The following SHC4 variants were observed in gnomAD, a reference collection of about 807,000 sequenced individuals.
The protein encoded by SHC4 is SHC-transforming protein 4.
A neutral mutation model predicts 69.4 loss-of-function variants in SHC4; 41 were observed. That is an observed-to-expected ratio of 0.59 (90% CI 0.46 to 0.77). The LOEUF is 0.77. SHC4 is among the 30% of genes least tolerant of loss of function. The pLI is 0.00. For synonymous variants in SHC4, 318 were observed against 299.3 expected, an observed-to-expected ratio of 1.06 and a Z score of -0.64; for missense variants, 777 against 783.8, an observed-to-expected ratio of 0.99 and a Z score of 0.10.
chr15:48,890,848 T>C (rs1900123718), intron 2 of SHC4, 37 bp from the exon 3 acceptor site: 9 of 1,602,586 alleles, frequency 5.6e-6, no homozygotes, highest in Non-Finnish European at 7.7e-6. Context: ...AGACTTAGCA[T>C]ACTACCTCCA....
At chr15:48,883,766 T>A (rs1899984837) in intron 4 of SHC4, among the ~76,000 whole-genome samples, 1 of 152,306 alleles carries the variant, frequency 6.6e-6, no homozygotes, top group East Asian at 1.9e-4. Context: ...ACAATAACAT[T>A]TTAGAAAGCT....
Position 48,898,175 on chromosome 15 carries a change from A to G in SHC4, c.657-7364T>C, listed in dbSNP as rs114633203. 3.2e-3 allele frequency among the ~76,000 whole-genome samples: 481 copies of G among 152,246 alleles called. 1 individual carries two copies. Among genetic ancestry groups the G allele is most frequent in the African/African-American group, 0.011 (455 of 41,544 alleles). Reference sequence around the variant, plus strand: ...CAAGGCTCAGTGATCTATGTGTTCAATTTTGTCCAGCTTAGTGAAATTAAA... The same window carrying G: ...CAAGGCTCAGTGATCTATGTGTTCAGTTTTGTCCAGCTTAGTGAAATTAAA... On this transcript the variant is annotated intron_variant, in intron 2 of 11. Transcript: ENST00000332408.
chr15:48,873,246 A>G (rs947187962), intron 4 of SHC4, among the ~76,000 whole-genome samples: 1 of 152,236 alleles, frequency 6.6e-6, no homozygotes, highest in Non-Finnish European at 1.5e-5. Context: ...ATGGTATTTG[A>G]AATCAGAACA....
At chr15:48,928,373 TG>T (rs2141026568) in intron 1 of SHC4, among the ~76,000 whole-genome samples, 1 of 151,968 alleles carries the variant, frequency 6.6e-6, no homozygotes, top group African/African-American at 2.4e-5. Context: ...GAGTTGACAG[TG>T]GGAACTTTAA....
chr15:48,917,877 C>T (rs773256880), intron 2 of SHC4, among the ~76,000 whole-genome samples: 5 of 152,192 alleles, frequency 3.3e-5, no homozygotes, highest in Admixed American at 1.3e-4. Flanking sequence ...GAATTCTGCT[C>T]CATCTTTCTC....
intron 6 of SHC4, among the ~76,000 whole-genome samples, chr15:48,865,928 A>T (rs559982287): frequency 6.6e-6 from 1 of 152,262 alleles, no homozygotes; most frequent in Non-Finnish European, 1.5e-5. Flanking sequence ...GCAAAGGGAG[A>T]GCTTTGCAGG....
chr15:48,915,386 T>C (rs769240849), intron 2 of SHC4, among the ~76,000 whole-genome samples: 13 of 152,208 alleles, frequency 8.5e-5, no homozygotes, highest in Non-Finnish European at 1.5e-4. Flanking sequence ...CTAAAAGGAA[T>C]TTAGTTGGCT....
chr15:48,895,854 A>G (rs965485491), intron 2 of SHC4, among the ~76,000 whole-genome samples: 2 of 152,222 alleles, frequency 1.3e-5, no homozygotes, highest in Non-Finnish European at 2.9e-5. Flanking sequence ...AGGCCGAGGC[A>G]GGAGTATCCC....
intron 1 of SHC4, among the ~76,000 whole-genome samples, chr15:48,942,241 C>A (rs1305501851): frequency 6.6e-6 from 1 of 152,044 alleles, no homozygotes; most frequent in Non-Finnish European, 1.5e-5. Flanking sequence ...TTGTCCCAAC[C>A]CCTTTATTTC....
rs1301679374 is a variant in SHC4 at position 48,856,046 on chromosome 15, T to C, written c.1149A>G (p.Pro383=). The C allele has an allele frequency of 6.2e-7, 1 of 1,613,834 alleles. No individual in the cohort carries two copies. Among genetic ancestry groups the C allele is most frequent in the African/African-American group, 1.3e-5 (1 of 74,900 alleles). ...GCATATCTGAAACACCACCTACTGG[T>C]GGCTGCTTCCCTGGAATTTCATTGT... ...EYYNEIPGKQ[P]PVGGVSDMRI... The change falls in exon 8 of 12, where the codon CCA becomes CCG. Residue 383 remains proline (P), a synonymous_variant. Transcript: ENST00000332408.
At chr15:48,917,906 C>T (rs1900658887) in intron 2 of SHC4, among the ~76,000 whole-genome samples, 1 of 152,222 alleles carries the variant, frequency 6.6e-6, no homozygotes, top group African/African-American at 2.4e-5. Flanking sequence ...CAAAGGCTGA[C>T]TCTTAATCAT....
intron 9 of SHC4, among the ~76,000 whole-genome samples, chr15:48,849,661 A>G (rs1899169579): frequency 6.6e-6 from 1 of 152,190 alleles, no homozygotes; most frequent in Non-Finnish European, 1.5e-5. Flanking sequence ...TGGTTGCAAT[A>G]CCACAAGGCA....
At chr15:48,883,856 C>T (rs1899986381) in intron 4 of SHC4, among the ~76,000 whole-genome samples, 1 of 152,206 alleles carries the variant, frequency 6.6e-6, no homozygotes, top group African/African-American at 2.4e-5. Flanking sequence ...CATCACCTTT[C>T]CCCTTTGTCC....
intron 2 of SHC4, among the ~76,000 whole-genome samples, chr15:48,914,009 C>A (rs1006493155): frequency 6.6e-6 from 1 of 152,146 alleles, no homozygotes; most frequent in Non-Finnish European, 1.5e-5. Flanking sequence ...TGGGTCCTCT[C>A]GGGATTGCTG....
At chr15:48,918,199 C>A (rs552906242) in intron 2 of SHC4, among the ~76,000 whole-genome samples, 1 of 152,286 alleles carries the variant, frequency 6.6e-6, no homozygotes, top group African/African-American at 2.4e-5. Flanking sequence ...AACAAAAGAT[C>A]CCGTCCACCA....
At chr15:48,848,504 C>T (rs539678588) in intron 9 of SHC4, among the ~76,000 whole-genome samples, 1 of 152,124 alleles carries the variant, frequency 6.6e-6, no homozygotes. Context: ...TCAATATAGG[C>T]AAACCAGAAT....
intron 1 of SHC4, among the ~76,000 whole-genome samples, chr15:48,945,679 C>T (rs1901264072): frequency 6.6e-6 from 1 of 151,296 alleles, no homozygotes; most frequent in African/African-American, 2.4e-5. Flanking sequence ...TCCACAGAGA[C>T]AGGAAGTAGA....
rs1898869044 is a variant in SHC4, at chr15:48,834,798, G to T, written c.1708C>A (p.His570Asn). Residue 570 changes from histidine to asparagine, a missense_variant, in exon 11 of 12, where the codon CAT (histidine) becomes AAT (asparagine). Physicochemically the swap from His to Asn is moderately conservative, Grantham distance 68. Transcript: ENST00000332408. ...LSGLQGGQAK[H>N]LLLVDPEGKV... is the part of the protein sequence containing the mutation. ...CCTTCAGGATCCACCAGGAGAAGAT[G>T]TTTTGCTTGGCCTCCCTGTAGTCCA... 6.2e-7 allele frequency: 1 copy of T among 1,614,168 alleles called. No individual in the cohort carries two copies. The highest frequency in any genetic ancestry group is 8.5e-7 in the Non-Finnish European group (1 of 1,180,006).
chr15:48,931,735 G>A (rs536604946), intron 1 of SHC4, among the ~76,000 whole-genome samples: 3 of 152,228 alleles, frequency 2.0e-5, no homozygotes, highest in Middle Eastern at 3.4e-3. Context: ...CAGGCAGAAA[G>A]CGAGAGATTA....
Sources: allele counts gnomAD v4.1 joint callset (sites outside exome capture counted in the v4.1 genomes callset), GRCh38; gene constraint gnomAD v4.1.1; transcripts MANE v1.5; gene names NCBI Gene and HGNC (gene_info 2026-07-23, HGNC 2026-07-21).